COG5: variants seen among roughly 807,000 people sequenced by gnomAD.
COG5 encodes conserved oligomeric Golgi complex subunit 5.
COG5 carries 86 observed loss-of-function variants against 110.4 expected under a neutral mutation model. The observed-to-expected ratio is 0.78, with a 90% CI of 0.65 to 0.93. COG5 has a LOEUF of 0.93. Ranked by LOEUF, COG5 falls within the 40% of genes least tolerant of loss-of-function variation. COG5 has a pLI of 0.00. For missense variants in COG5, 1,077 were observed against 987.0 expected, an observed-to-expected ratio of 1.09 and a Z score of -1.22; for synonymous variants, 360 against 334.6, an observed-to-expected ratio of 1.08 and a Z score of -0.83.
intron 10 of COG5, among the ~76,000 whole-genome samples, chr7:107,356,488 C>A (rs1195345351): frequency 6.6e-6 from 1 of 151,898 alleles, no homozygotes; most frequent in Non-Finnish European, 1.5e-5. Flanking sequence ...TCACTTCAGC[C>A]CAGGAGTTTG....
chr7:107,507,063 T>C (rs1381323269), intron 6 of COG5, among the ~76,000 whole-genome samples: 2 of 152,138 alleles, frequency 1.3e-5, no homozygotes, highest in Non-Finnish European at 2.9e-5. Flanking sequence ...TCAGTTCCAG[T>C]GTTGAGTAGG....
rs1790180011 is a variant in COG5, at chr7:107,386,196, T to C, written c.670-13436A>G. Among the ~76,000 whole-genome samples the C allele has an allele frequency of 2.0e-5, 3 of 148,820 alleles. No individual in the cohort carries two copies. In the Admixed American group the frequency reaches 2.1e-4, roughly 10 times the overall value. The stretch of plus-strand genomic sequence containing the variant: ...TAACATAGGAATATAGAGGAGTCTA[T>C]CTAAATAGCTTCTTTAAAGACTAAA... On this transcript the variant is annotated intron_variant, in intron 7 of 21. Coordinates refer to ENST00000297135, the MANE Select transcript of COG5 (RefSeq NM_006348.5).
At chr7:107,483,704 T>C (rs971127496) in intron 6 of COG5, among the ~76,000 whole-genome samples, 2 of 145,064 alleles carry the variant, frequency 1.4e-5, no homozygotes, top group African/African-American at 5.1e-5. Flanking sequence ...CAAAACTGCA[T>C]CTAAAAAAAA....
In COG5 at chr7:107,561,104, T is replaced by C. The variant is rs751154690; in HGVS notation, c.94+2699A>G. 5.4e-4 allele frequency among the ~76,000 whole-genome samples: 82 copies of C among 152,202 alleles called. 1 individual carries two copies. Among genetic ancestry groups the C allele is most frequent in the Admixed American group, 3.3e-4 (5 of 15,272 alleles). On this transcript the variant is annotated intron_variant, in intron 1 of 21. Transcript: ENST00000297135. ...AAGAAAGTAAGTATTAGTATTGTCA[T>C]AGAGCTTACAAAGATCAAACACAAC... is the stretch of plus-strand genomic sequence containing the variant.
chr7:107,310,451 A>G (rs1332659749), intron 11 of COG5, among the ~76,000 whole-genome samples: 1 of 152,228 alleles, frequency 6.6e-6, no homozygotes, highest in Non-Finnish European at 1.5e-5. Context: ...TATAAAAACA[A>G]TGTAAACACA....
Position 107,230,601 on chromosome 7 carries a change from G to T in COG5, c.2168+14C>A, listed in dbSNP as rs1296320554. The stretch of plus-strand genomic sequence containing the variant: ...TGGAGGATATGAATGTATGAACAAA[G>T]AATTCGGTCTTACCTGAATGATCTC... On this transcript the variant is annotated intron_variant, in intron 19 of 21. Transcript: ENST00000297135. 2 of 1,587,528 alleles carry T rather than the reference G, an allele frequency of 1.3e-6. No individual in the cohort carries two copies. Among genetic ancestry groups the T allele is most frequent in the South Asian group, 2.2e-5 (2 of 90,554 alleles).
At chr7:107,263,675 C>T (rs531462929) in intron 14 of COG5, among the ~76,000 whole-genome samples, 98 of 152,186 alleles carry the variant, frequency 6.4e-4, no homozygotes, top group Admixed American at 9.2e-4. Context: ...TGACAAGATA[C>T]ACTATTTTTT....
In COG5 at chr7:107,474,123, T is replaced by TGACATTGATGACATCAACACCAG; in HGVS notation, c.538+53113_538+53114insCTGGTGTTGATGTCATCAATGTC. The TGACATTGATGACATCAACACCAG allele has an allele frequency of 6.2e-7, 1 of 1,608,724 alleles. No individual in the cohort carries two copies. Among genetic ancestry groups the TGACATTGATGACATCAACACCAG allele is most frequent in the Non-Finnish European group, 8.5e-7 (1 of 1,175,912 alleles). ...CTGAATCTAACATTACAGTGCGAGA[T>TGACATTGATGACATCAACACCAG]GACATTGATGACATCAACACCAATA... On this transcript the variant is annotated intron_variant, in intron 6 of 21. Transcript: ENST00000297135. This position sits in a 1 kb window ranked among gnomAD's most constrained non-coding sequence, Gnocchi z 5.7.
At chr7:107,549,043 A>C (rs1157694612) in intron 3 of COG5, among the ~76,000 whole-genome samples, 2 of 152,246 alleles carry the variant, frequency 1.3e-5, no homozygotes, top group Non-Finnish European at 2.9e-5. Flanking sequence ...AAATGAAATA[A>C]TATTGGAACA....
intron 6 of COG5, among the ~76,000 whole-genome samples, chr7:107,441,599 A>G (rs1298343235): frequency 1.3e-5 from 2 of 152,306 alleles, no homozygotes; most frequent in East Asian, 3.9e-4. Context: ...CACCTTCCCA[A>G]TCTCCAAATA....
At chr7:107,377,936 T>A (rs1177396988) in intron 7 of COG5, among the ~76,000 whole-genome samples, 1 of 152,162 alleles carries the variant, frequency 6.6e-6, no homozygotes, top group African/African-American at 2.4e-5. Context: ...ACAGACGGCC[T>A]CCTCAAGTAG....
chr7:107,409,618 T>G lies in COG5; in HGVS notation c.669+2884A>C, dbSNP rs1792129304. On this transcript the variant is annotated intron_variant, in intron 7 of 21. Coordinates refer to ENST00000297135, the MANE Select transcript of COG5 (RefSeq NM_006348.5). ...CTTTTTCCTTTCAAGTGAGAGAAAT[T>G]TTAGTATCTTTGTTTGCTGCTAATA... Among the ~76,000 whole-genome samples, 3 of 152,244 alleles carry G rather than the reference T, an allele frequency of 2.0e-5. No homozygotes were observed. In the South Asian group the frequency reaches 6.2e-4, roughly 32 times the overall value.
Position 107,271,254 on chromosome 7 carries a change from AGT to A in COG5, c.1575+10044_1575+10045del, listed in dbSNP as rs201075971. On this transcript the variant is annotated intron_variant, in intron 14 of 21. Transcript: ENST00000297135. ...CAGCAAGACTCCATCCCTTGAAACAAGTGTCTTGGTTATTCTTGACACTTCTG... is the reference window on the plus strand; with the variant it reads ...CAGCAAGACTCCATCCCTTGAAACAAGTCTTGGTTATTCTTGACACTTCTG... Among the ~76,000 whole-genome samples the A allele has an allele frequency of 8.4e-3, 1,281 of 152,226 alleles. 25 individuals are homozygous for A. Among genetic ancestry groups the A allele is most frequent in the African/African-American group, 0.027 (1,118 of 41,546 alleles).
intron 5 of COG5, among the ~76,000 whole-genome samples, chr7:107,539,236 A>C (rs1473025890): frequency 6.6e-6 from 1 of 152,206 alleles, no homozygotes; most frequent in African/African-American, 2.4e-5. Context: ...AAAAAACAAC[A>C]ACAACAAAGC....
At chr7:107,303,122 G>A (rs1452626854) in intron 11 of COG5, among the ~76,000 whole-genome samples, 1 of 151,886 alleles carries the variant, frequency 6.6e-6, no homozygotes, top group African/African-American at 2.4e-5. Flanking sequence ...TAGAGATGAG[G>A]TCTCACTTTG....
intron 10 of COG5, among the ~76,000 whole-genome samples, chr7:107,329,448 A>G (rs543044641): frequency 7.2e-5 from 11 of 152,280 alleles, no homozygotes; most frequent in African/African-American, 2.6e-4. Flanking sequence ...ATTTATACAG[A>G]TATGTATATG....
chr7:107,518,280 G>C (rs991729088), intron 6 of COG5, among the ~76,000 whole-genome samples: 3 of 152,168 alleles, frequency 2.0e-5, no homozygotes, highest in African/African-American at 7.2e-5. Flanking sequence ...TTAGCATCAT[G>C]ATGACAGGAT....
chr7:107,287,822 C>CA (rs147935497), intron 12 of COG5, among the ~76,000 whole-genome samples: 5,773 of 152,176 alleles, frequency 0.038, 155 homozygotes, highest in Middle Eastern at 0.068. Flanking sequence ...GCAGCATGTA[C>CA]AGTACTTCAT....
intron 6 of COG5, among the ~76,000 whole-genome samples, chr7:107,458,478 T>C (rs1421140667): frequency 6.6e-6 from 1 of 152,236 alleles, no homozygotes; most frequent in African/African-American, 2.4e-5. Context: ...TTATACATGA[T>C]GTGCTATTAC....
Sources: allele counts gnomAD v4.1 joint callset (sites outside exome capture counted in the v4.1 genomes callset), GRCh38; gene constraint gnomAD v4.1.1; non-coding constraint Gnocchi (gnomAD v3.1); transcripts MANE v1.5; gene names NCBI Gene and HGNC (gene_info 2026-07-23, HGNC 2026-07-21).